CA10: variants seen among roughly 807,000 people sequenced by gnomAD.
CA10 encodes the protein carbonic anhydrase 10 (inactive).
CA10 carries 14 observed loss-of-function variants against 44.2 expected under a neutral mutation model. The observed-to-expected ratio is 0.32, with a 90% CI of 0.21 to 0.50. The LOEUF (loss-of-function observed/expected upper bound fraction) is 0.50, where lower values mean the gene tolerates loss of function less well. CA10 is among the 20% of genes least tolerant of loss of function. The probability of loss-of-function intolerance (pLI) is 0.99; values close to 1 mark genes in which losing one functional copy is unlikely to be tolerated. For missense variants in CA10, 350 were observed against 409.7 expected (o/e 0.85, Z 1.26); for synonymous variants, 159 against 141.6 (o/e 1.12, Z -0.87).
At chr17:51,750,097 G>A (rs1049398762) in intron 3 of CA10, among the ~76,000 whole-genome samples, 12 of 152,224 alleles carry the variant, frequency 7.9e-5, no homozygotes, top group South Asian at 4.1e-4. Context: ...GCTCAAGACA[G>A]ATTTGTGTTA....
At chr17:51,945,641 A>G (rs1199926063) in intron 2 of CA10, among the ~76,000 whole-genome samples, 1 of 152,124 alleles carries the variant, frequency 6.6e-6, no homozygotes, top group African/African-American at 2.4e-5. Flanking sequence ...ACTGTCATCA[A>G]AGTATCAGAA....
chr17:52,138,251 G>A (rs928046784), intron 1 of CA10, among the ~76,000 whole-genome samples: 1 of 151,976 alleles, frequency 6.6e-6, no homozygotes, highest in African/African-American at 2.4e-5. Flanking sequence ...TTCTGACTCT[G>A]ATCATTCTGC....
chr17:52,019,584 G>A (rs1288870033), intron 2 of CA10, among the ~76,000 whole-genome samples: 2 of 151,920 alleles, frequency 1.3e-5, no homozygotes, highest in Admixed American at 6.6e-5. Flanking sequence ...TTAAATTGAT[G>A]TATACAACAC....
At chr17:52,027,146 T>G (rs1324644883) in intron 2 of CA10, among the ~76,000 whole-genome samples, 1 of 152,036 alleles carries the variant, frequency 6.6e-6, no homozygotes, top group Non-Finnish European at 1.5e-5. Flanking sequence ...ATAAGGAGCA[T>G]GCAACCTAGA....
intron 1 of CA10, among the ~76,000 whole-genome samples, chr17:52,082,178 T>C (rs1295630713): frequency 6.6e-6 from 1 of 152,180 alleles, no homozygotes; most frequent in African/African-American, 2.4e-5. Flanking sequence ...AAAGGGAGAA[T>C]GACATGTGAA....
chr17:51,923,799 T>A (rs1982321112), intron 3 of CA10, among the ~76,000 whole-genome samples: 1 of 152,170 alleles, frequency 6.6e-6, no homozygotes, highest in African/African-American at 2.4e-5. Flanking sequence ...AAAGTTCTTT[T>A]CCCCATGGGC....
chr17:52,021,751 G>A (rs1227648894), intron 2 of CA10, among the ~76,000 whole-genome samples: 1 of 151,982 alleles, frequency 6.6e-6, no homozygotes, highest in Non-Finnish European at 1.5e-5. Context: ...AAACACAAAA[G>A]TTACTCAGAG....
chr17:51,822,846 A>G (rs2143767352), intron 3 of CA10, among the ~76,000 whole-genome samples: 1 of 152,272 alleles, frequency 6.6e-6, no homozygotes, highest in East Asian at 1.9e-4. Flanking sequence ...ATCATGTGAG[A>G]AGACTCAAAC....
chr17:52,059,635 A>G (rs972278626), intron 2 of CA10, among the ~76,000 whole-genome samples: 6 of 151,952 alleles, frequency 3.9e-5, no homozygotes, highest in African/African-American at 1.4e-4. Context: ...TCAAAACTGC[A>G]CATTGTGCAC....
At chr17:52,146,911 A>T (rs1989601172) in intron 1 of CA10, among the ~76,000 whole-genome samples, 2 of 152,002 alleles carry the variant, frequency 1.3e-5, no homozygotes, top group Non-Finnish European at 2.9e-5. Context: ...TCACCACTAA[A>T]TACAGAATTT....
chr17:52,045,570 G>C (rs1014658180), intron 2 of CA10, among the ~76,000 whole-genome samples: 3 of 151,874 alleles, frequency 2.0e-5, no homozygotes, highest in African/African-American at 7.2e-5. Flanking sequence ...ACTGTTGTAA[G>C]GTTTCCATAT....
chr17:52,103,363 A>G (rs1988585643), intron 1 of CA10, among the ~76,000 whole-genome samples: 1 of 152,212 alleles, frequency 6.6e-6, no homozygotes, highest in Non-Finnish European at 1.5e-5. Context: ...CGTCCACAGC[A>G]CAATCCACAG....
intron 4 of CA10, among the ~76,000 whole-genome samples, chr17:51,680,907 C>T (rs1307178589): frequency 6.7e-6 from 1 of 149,074 alleles, no homozygotes; most frequent in Non-Finnish European, 1.5e-5. Flanking sequence ...GACCAAAAGA[C>T]TTCCATTTCC....
chr17:51,907,190 A>AGTGAATGCTCACTTGTATG (rs1396222171), intron 3 of CA10, among the ~76,000 whole-genome samples: 1 of 151,986 alleles, frequency 6.6e-6, no homozygotes. Context: ...GTTCATAGTG[A>AGTGAATGCTCACTTGTATG]CCTTCTTCCT....
intron 3 of CA10, among the ~76,000 whole-genome samples, chr17:51,754,285 A>AGTGTGTGT (rs60269292): frequency 4.3e-5 from 6 of 140,900 alleles, no homozygotes; most frequent in South Asian, 4.7e-4. Flanking sequence ...GAAACAGAAT[A>AGTGTGTGT]GTGTGTGTGT....
chr17:51,734,494 C>G (rs1916831081), intron 4 of CA10, among the ~76,000 whole-genome samples: 2 of 152,106 alleles, frequency 1.3e-5, no homozygotes, highest in Non-Finnish European at 2.9e-5. Context: ...ACAGTTATAC[C>G]AGGACTTAAC....
chr17:51,761,651 A>C (rs1231687606), intron 3 of CA10: 1 of 152,144 alleles, frequency 6.6e-6, no homozygotes, highest in Non-Finnish European at 1.5e-5. Flanking sequence ...TATTCATCAA[A>C]GCTCCTAGTT....
chr17:51,863,203 T>C (rs758274812), intron 3 of CA10, among the ~76,000 whole-genome samples: 10 of 152,244 alleles, frequency 6.6e-5, no homozygotes, highest in Non-Finnish European at 1.3e-4. Flanking sequence ...ATGTAGCCAC[T>C]ACTACTGTTG....
At chr17:52,058,070 C>T (rs1391667613) in intron 2 of CA10, among the ~76,000 whole-genome samples, 1 of 152,038 alleles carries the variant, frequency 6.6e-6, no homozygotes, top group Non-Finnish European at 1.5e-5. Flanking sequence ...GACCCAAACC[C>T]TCTCAGTGCT....
Sources: allele counts gnomAD v4.1 joint callset (sites outside exome capture counted in the v4.1 genomes callset), GRCh38; gene constraint gnomAD v4.1.1; transcripts MANE v1.5; gene names NCBI Gene and HGNC (gene_info 2026-07-23, HGNC 2026-07-21).